The following CDC42BPA variants were observed in gnomAD, a reference collection of about 807,000 sequenced individuals.
CDC42BPA encodes serine/threonine-protein kinase MRCK alpha.
In CDC42BPA, 80 loss-of-function variants were observed where a neutral mutation model predicts 223.5. That is an observed-to-expected ratio of 0.36 (90% CI 0.30 to 0.43). The LOEUF (loss-of-function observed/expected upper bound fraction) is 0.43. Among genes scored for constraint, CDC42BPA ranks in the 20% least tolerant of loss-of-function variants. The pLI is 1.00. For synonymous variants in CDC42BPA, 694 were observed against 718.6 expected, an observed-to-expected ratio of 0.97 and a Z score of 0.55; for missense variants, 1,743 against 2,099.9, an observed-to-expected ratio of 0.83 and a Z score of 3.32.
intron 2 of CDC42BPA, among the ~76,000 whole-genome samples, chr1:227,216,874 T>A (rs775764617): frequency 1.3e-5 from 2 of 152,168 alleles, no homozygotes; most frequent in Non-Finnish European, 2.9e-5. Context: ...AAAAACATGA[T>A]GTTAGAAAAC....
chr1:227,165,501 A>T (rs567594694), intron 5 of CDC42BPA, among the ~76,000 whole-genome samples: 1 of 152,344 alleles, frequency 6.6e-6, no homozygotes, highest in South Asian at 2.1e-4. Context: ...ATTATTAATT[A>T]TAGGAAAAAT....
intron 14 of CDC42BPA, 110 bp from the exon 15 acceptor site, chr1:227,101,349 T>C: frequency 1.7e-6 from 1 of 603,510 alleles, no homozygotes; most frequent in Non-Finnish European, 2.6e-6. Flanking sequence ...TTTTTGTACA[T>C]CCTAACAAAA....
intron 1 of CDC42BPA, among the ~76,000 whole-genome samples, chr1:227,269,357 C>A (rs1021463753): frequency 7.9e-5 from 12 of 152,052 alleles, no homozygotes; most frequent in African/African-American, 2.9e-4. Flanking sequence ...ATAGCTCACA[C>A]GACTCAAAAA....
At position 227,139,723 on chromosome 1, in the gene CDC42BPA, A is replaced by G. The variant is rs201022380; in HGVS notation, c.1243T>C (p.Cys415Arg). 2.9e-5 allele frequency: 45 copies of G among 1,551,396 alleles called. No individual in the cohort carries two copies. The highest frequency in any genetic ancestry group is 3.6e-5 in the Non-Finnish European group (42 of 1,154,894). The change falls in exon 10 of 37, where the codon TGT (cysteine) becomes CGT (arginine). Residue 415 changes from cysteine (C) to arginine (R), a missense_variant. Coordinates refer to ENST00000366766, the MANE Select transcript of CDC42BPA (RefSeq NM_001394014.1). ...TSSCVLSDRS[C>R]LRVTAGPTSL... ...GTGGGACCAGCCGTAACTCTTAAAC[A>G]GCTCCGATCAGAAAGTACACTGAAG...
chr1:227,280,931 T>G (rs1452323670), intron 1 of CDC42BPA, among the ~76,000 whole-genome samples: 1 of 152,140 alleles, frequency 6.6e-6, no homozygotes, highest in Non-Finnish European at 1.5e-5. Context: ...CAGAACTGCC[T>G]CTCAGGGCCT....
Position 227,031,407 on chromosome 1 carries a change from G to C in CDC42BPA, c.3666C>G (p.His1222Gln). The stretch of plus-strand genomic sequence containing the variant: ...TGAATTTGTTTTTCTTCAAAATCTT[G>C]TGCAATTCACTCAGCACTCCCACCC... ...NKWVGVLSEL[H>Q]KILKKNKFRD... The change falls in exon 28 of 37, where the codon CAC becomes CAG. Residue 1222 changes from histidine to glutamine, a missense_variant. Around this residue, in one of 6 missense-constraint regions of CDC42BPA, gnomAD observed 678 missense variants for 777.5 expected, o/e 0.87. Transcript: ENST00000366766. 1 of 1,613,948 alleles carries C rather than the reference G, an allele frequency of 6.2e-7. No individual in the cohort carries two copies. The highest frequency in any genetic ancestry group is 8.5e-7 in the Non-Finnish European group (1 of 1,179,920).
intron 5 of CDC42BPA, among the ~76,000 whole-genome samples, chr1:227,187,689 CAA>C (rs57854182): frequency 0.024 from 1,345 of 56,176 alleles, 58 homozygotes; most frequent in African/African-American, 0.085. Context: ...ACCCCCCCCC[CAA>C]AAAAAAAAAA....
At chr1:227,083,103 G>A (rs1456649573) in intron 16 of CDC42BPA, among the ~76,000 whole-genome samples, 3 of 151,840 alleles carry the variant, frequency 2.0e-5, no homozygotes, top group African/African-American at 7.3e-5. Context: ...TCATAGGTTT[G>A]GAAAAATTCT....
At chr1:227,187,738 T>C (rs1669066705) in intron 5 of CDC42BPA, among the ~76,000 whole-genome samples, 1 of 86,244 alleles carries the variant, frequency 1.2e-5, no homozygotes, top group East Asian at 3.1e-4. Flanking sequence ...CTACAGAATA[T>C]AAAAAAATAA....
At chr1:227,250,891 G>A (rs1433442359) in intron 2 of CDC42BPA, among the ~76,000 whole-genome samples, 1 of 151,802 alleles carries the variant, frequency 6.6e-6, no homozygotes, top group Non-Finnish European at 1.5e-5. Context: ...GTCACTACAA[G>A]AAAATTTACA....
chr1:227,256,334 G>A (rs1467430307), intron 1 of CDC42BPA, among the ~76,000 whole-genome samples: 1 of 152,122 alleles, frequency 6.6e-6, no homozygotes, highest in Non-Finnish European at 1.5e-5. Context: ...TGGGGGCCAA[G>A]AGGAGGGAAA....
chr1:227,109,328 T>TA (rs770306303), intron 14 of CDC42BPA, among the ~76,000 whole-genome samples: 2 of 152,202 alleles, frequency 1.3e-5, no homozygotes, highest in Non-Finnish European at 1.5e-5. Flanking sequence ...TCTTCTGTAG[T>TA]AACACTTAAA....
At chr1:227,012,175 A>G (rs889912162) in intron 34 of CDC42BPA, among the ~76,000 whole-genome samples, 1 of 152,210 alleles carries the variant, frequency 6.6e-6, no homozygotes, top group African/African-American at 2.4e-5. Context: ...ATATACTTTT[A>G]TTAACAATTT....
chr1:227,178,971 C>G (rs1344006992), intron 5 of CDC42BPA, among the ~76,000 whole-genome samples: 1 of 152,140 alleles, frequency 6.6e-6, no homozygotes, highest in African/African-American at 2.4e-5. Flanking sequence ...ATGTTGGTGT[C>G]TTAGTCTTAC....
rs531074696 is a variant in CDC42BPA, at chr1:227,112,326, A to C, written c.1987T>G (p.Leu663Val). 3 of 1,586,966 alleles carry C rather than the reference A, an allele frequency of 1.9e-6. No individual in the cohort carries two copies. The highest frequency in any genetic ancestry group is 2.3e-5 in the South Asian group (2 of 87,020). ...TCAAAAGATACCTTCAGTCCCTCCA[A>C]TTCATTTTCCAGTTGCTTAGAATAG... ...EHYSKQLENE[L>V]EGLKQKQISY... The change falls in exon 14 of 37, where the codon TTG (leucine) becomes GTG (valine). Residue 663 changes from leucine (L) to valine (V), a missense_variant. Transcript: ENST00000366766.
intron 24 of CDC42BPA, among the ~76,000 whole-genome samples, chr1:227,037,319 ACT>A (rs1417624069): frequency 1.3e-5 from 2 of 152,118 alleles, no homozygotes; most frequent in Admixed American, 1.3e-4. Context: ...TATGTAAGAG[ACT>A]CATGTACTTG....
At chr1:227,205,282 AAATAT>A (rs1384497055) in intron 3 of CDC42BPA, among the ~76,000 whole-genome samples, 595 of 27,246 alleles carry the variant, frequency 0.022, 5 homozygotes, top group East Asian at 0.069. Context: ...AAAAAAAAAA[AAATAT>A]ATATATATAT....
intron 20 of CDC42BPA, among the ~76,000 whole-genome samples, chr1:227,071,268 A>G (rs1678265992): frequency 1.3e-5 from 2 of 151,908 alleles, no homozygotes; most frequent in African/African-American, 4.8e-5. Flanking sequence ...ACTGTGTTGC[A>G]TGGCTGAGAA....
chr1:227,170,959 T>C (rs374224520), intron 5 of CDC42BPA, among the ~76,000 whole-genome samples: 5 of 152,350 alleles, frequency 3.3e-5, no homozygotes, highest in African/African-American at 1.2e-4. Context: ...TTCCATTTTC[T>C]GGAAGAAGCA....
Sources: allele counts gnomAD v4.1 joint callset (sites outside exome capture counted in the v4.1 genomes callset), GRCh38; gene constraint gnomAD v4.1.1; regional missense constraint gnomAD v4.1.1; transcripts MANE v1.5; gene names NCBI Gene and HGNC (gene_info 2026-07-23, HGNC 2026-07-21).